Variants in ADGRL3 observed in about 807,000 individuals in gnomAD.
The protein encoded by ADGRL3 is calcium-independent alpha-latrotoxin receptor 3.
In ADGRL3, 62 loss-of-function variants were observed where a neutral mutation model predicts 153.5. The ratio of observed to expected loss-of-function variants is 0.40; its 90% CI spans 0.33 to 0.50. ADGRL3 has a LOEUF of 0.50. Ranked by LOEUF, ADGRL3 falls within the 20% of genes least tolerant of loss-of-function variation. The pLI is 0.47. For synonymous variants in ADGRL3, 710 were observed against 672.5 expected (o/e 1.06, Z -0.86); for missense variants, 1,641 against 1,859.4 (o/e 0.88, Z 2.16).
At chr4:61,587,559 A>ATTTT in intron 5 of ADGRL3, 119 bp downstream of exon 5, 2 of 723,540 alleles carry the variant, frequency 2.8e-6, no homozygotes, top group South Asian at 4.1e-5. Flanking sequence ...ACTTCAAAAT[A>ATTTT]GTTTTTCCAT....
At chr4:61,958,197 C>T (rs2098974673) in intron 17 of ADGRL3, among the ~76,000 whole-genome samples, 1 of 152,062 alleles carries the variant, frequency 6.6e-6, no homozygotes, top group Non-Finnish European at 1.5e-5. Flanking sequence ...TGTTTGCAAC[C>T]CCAGTGCCTT....
chr4:61,541,750 T>C (rs2098691104), intron 4 of ADGRL3, among the ~76,000 whole-genome samples: 1 of 152,076 alleles, frequency 6.6e-6, no homozygotes, highest in Admixed American at 6.5e-5. Flanking sequence ...GTGGCCTTTC[T>C]TTCTCTCTTA....
At chr4:61,725,659 T>G (rs1427413396) in intron 6 of ADGRL3, among the ~76,000 whole-genome samples, 1 of 152,026 alleles carries the variant, frequency 6.6e-6, no homozygotes, top group Non-Finnish European at 1.5e-5. Context: ...ATGCAAAATT[T>G]CAGTACTTAA....
chr4:61,797,736 C>A (rs779313848), intron 8 of ADGRL3, among the ~76,000 whole-genome samples: 1 of 7,688 alleles, frequency 1.3e-4, no homozygotes, highest in Non-Finnish European at 2.8e-4. Context: ...AACATATTTT[C>A]TTTTCTAGAT....
intron 1 of ADGRL3, among the ~76,000 whole-genome samples, chr4:61,222,874 G>A (rs1746304740): frequency 6.6e-6 from 1 of 152,132 alleles, no homozygotes; most frequent in South Asian, 2.1e-4. Context: ...TGTAATGAGA[G>A]GTCCGATATT....
chr4:61,903,770 TATTTATTC>T (rs1368649904), intron 11 of ADGRL3, among the ~76,000 whole-genome samples: 1 of 151,798 alleles, frequency 6.6e-6, no homozygotes. Context: ...TAAACATATT[TATTTATTC>T]ATTTATTCAT....
chr4:61,927,365 T>TAAA (rs563648245), intron 13 of ADGRL3, among the ~76,000 whole-genome samples: 60 of 150,570 alleles, frequency 4.0e-4, no homozygotes, highest in South Asian at 1.7e-3. Flanking sequence ...TGCTTTTTTT[T>TAAA]AAAAAAAAAA....
intron 25 of ADGRL3, among the ~76,000 whole-genome samples, chr4:62,047,709 A>G (rs1315037186): frequency 6.6e-6 from 1 of 152,118 alleles, no homozygotes; most frequent in Non-Finnish European, 1.5e-5. Context: ...TTTCATTAAA[A>G]TTGTACTTCG....
At chr4:61,800,257 G>C (rs2097477507) in intron 8 of ADGRL3, among the ~76,000 whole-genome samples, 1 of 152,110 alleles carries the variant, frequency 6.6e-6, no homozygotes, top group Non-Finnish European at 1.5e-5. Flanking sequence ...TATAGATACA[G>C]ATATACAAAC....
At chr4:61,455,242 G>A (rs1369331390) in intron 2 of ADGRL3, among the ~76,000 whole-genome samples, 5 of 152,120 alleles carry the variant, frequency 3.3e-5, no homozygotes, top group African/African-American at 1.2e-4. Flanking sequence ...GAAGGTTGAG[G>A]GAGTGGACAA....
At chr4:62,030,265 C>T (rs971265263) in intron 22 of ADGRL3, among the ~76,000 whole-genome samples, 7 of 151,582 alleles carry the variant, frequency 4.6e-5, no homozygotes, top group African/African-American at 1.7e-4. Flanking sequence ...GATTTTTCCC[C>T]TTCATTTTAC....
chr4:61,993,650 C>T (rs868284133), intron 19 of ADGRL3, among the ~76,000 whole-genome samples: 11 of 151,808 alleles, frequency 7.2e-5, no homozygotes, highest in South Asian at 4.2e-4. Flanking sequence ...AGAACTTAGA[C>T]CTTTGAAAAT....
intron 1 of ADGRL3, among the ~76,000 whole-genome samples, chr4:61,365,580 T>C (rs1414028212): frequency 1.3e-5 from 2 of 152,244 alleles, no homozygotes; most frequent in African/African-American, 4.8e-5. Flanking sequence ...TCATCTTCAG[T>C]ATCTGCTGAG....
At chr4:61,597,354 A>T (rs769899316) in intron 5 of ADGRL3, among the ~76,000 whole-genome samples, 104 of 152,260 alleles carry the variant, frequency 6.8e-4, no homozygotes, top group Middle Eastern at 6.8e-3. Flanking sequence ...AGGTGAGTAG[A>T]TGATAATTGA....
At chr4:61,305,500 G>A (rs2094745108) in intron 1 of ADGRL3, among the ~76,000 whole-genome samples, 1 of 152,144 alleles carries the variant, frequency 6.6e-6, no homozygotes, top group Non-Finnish European at 1.5e-5. Flanking sequence ...GAGTTGGAGG[G>A]TCTGGGGCAA....
intron 2 of ADGRL3, among the ~76,000 whole-genome samples, chr4:61,489,930 T>C (rs932553236): frequency 1.8e-4 from 27 of 152,128 alleles, no homozygotes; most frequent in African/African-American, 6.3e-4. Flanking sequence ...TTAACTATTA[T>C]AAATTTCATG....
intron 4 of ADGRL3, among the ~76,000 whole-genome samples, chr4:61,558,374 A>G (rs2098778417): frequency 6.6e-6 from 1 of 151,704 alleles, no homozygotes; most frequent in East Asian, 1.9e-4. Context: ...TTAGTGGCCA[A>G]ATAAGAAAAT....
At chr4:61,732,533 CA>C in intron 7 of ADGRL3, among the ~76,000 whole-genome samples, 1 of 151,838 alleles carries the variant, frequency 6.6e-6, no homozygotes, top group Non-Finnish European at 1.5e-5. Flanking sequence ...CAGCTACTCA[CA>C]AAAAGGCTAG....
At chr4:61,598,060 G>A (rs2098996508) in intron 5 of ADGRL3, among the ~76,000 whole-genome samples, 1 of 151,940 alleles carries the variant, frequency 6.6e-6, no homozygotes, top group Non-Finnish European at 1.5e-5. Context: ...CTTGCCTGAG[G>A]AGATACAATC....
Sources: allele counts gnomAD v4.1 joint callset (sites outside exome capture counted in the v4.1 genomes callset), GRCh38; gene constraint gnomAD v4.1.1; transcripts MANE v1.5; gene names NCBI Gene and HGNC (gene_info 2026-07-23, HGNC 2026-07-21).